TPRG1: variants seen among roughly 807,000 people sequenced by gnomAD.
TPRG1 encodes the protein tumor protein p63 regulated 1.
Under a neutral mutation model 29.3 loss-of-function variants are expected in TPRG1, and 29 were observed. The ratio of observed to expected loss-of-function variants is 0.99; its 90% CI spans 0.74 to 1.35. The LOEUF is 1.35. Ranked by LOEUF, TPRG1 falls within the 40% of genes most tolerant of loss-of-function variation. The probability of loss-of-function intolerance (pLI) is 0.00; values close to 1 mark genes in which losing one functional copy is unlikely to be tolerated. For synonymous variants in TPRG1, 130 were observed against 116.8 expected (o/e 1.11, Z -0.73); for missense variants, 327 against 335.0 (o/e 0.98, Z 0.19).
At chr3:189,165,440 G>GAGACGGAGTCT (rs1728047566) in intron 5 of TPRG1, among the ~76,000 whole-genome samples, 1 of 89,264 alleles carries the variant, frequency 1.1e-5, no homozygotes, top group Non-Finnish European at 2.7e-5. Flanking sequence ...AAACTTTTAT[G>GAGACGGAGTCT]TGCATAACAG....
At chr3:189,201,265 G>A (rs945912167) in intron 1 of TPRG1, among the ~76,000 whole-genome samples, 1 of 152,216 alleles carries the variant, frequency 6.6e-6, no homozygotes, top group Non-Finnish European at 1.5e-5. Context: ...TTCTTCCCAA[G>A]GGTTCACAGA....
chr3:189,275,419 A>G (rs1560636967), intron 4 of TPRG1, among the ~76,000 whole-genome samples: 1 of 152,196 alleles, frequency 6.6e-6, no homozygotes, highest in African/African-American at 2.4e-5. Flanking sequence ...CGAATTGACA[A>G]TAAAGAGAAT....
chr3:189,206,048 C>CT (rs1734288522), intron 1 of TPRG1, among the ~76,000 whole-genome samples: 5 of 149,188 alleles, frequency 3.4e-5, no homozygotes, highest in Non-Finnish European at 7.5e-5. Flanking sequence ...TCCTTCCTTT[C>CT]TTCTGTCTTT....
intron 1 of TPRG1, among the ~76,000 whole-genome samples, chr3:189,193,074 G>A (rs1215251796): frequency 6.7e-6 from 1 of 148,420 alleles, no homozygotes; most frequent in Non-Finnish European, 1.5e-5. Context: ...TCTCTTATAT[G>A]TGACTTGATG....
chr3:189,235,761 T>A (rs1578961746), intron 3 of TPRG1, among the ~76,000 whole-genome samples: 2 of 152,132 alleles, frequency 1.3e-5, no homozygotes, highest in Non-Finnish European at 2.9e-5. Flanking sequence ...TGCCTGGATA[T>A]GGTGTCTCAG....
intron 4 of TPRG1, among the ~76,000 whole-genome samples, chr3:189,058,064 C>T (rs1715854558): frequency 6.6e-6 from 1 of 151,900 alleles, no homozygotes; most frequent in Admixed American, 6.6e-5. Context: ...TCTTCCTCTG[C>T]ATAGTGAGTT....
intron 1 of TPRG1, among the ~76,000 whole-genome samples, chr3:189,199,876 T>C (rs1733170553): frequency 6.6e-6 from 1 of 151,806 alleles, no homozygotes; most frequent in African/African-American, 2.4e-5. Context: ...CGAGACTCCA[T>C]CTCAAAAAAA....
At chr3:189,280,728 C>T (rs1716988319) in intron 4 of TPRG1, among the ~76,000 whole-genome samples, 2 of 152,132 alleles carry the variant, frequency 1.3e-5, no homozygotes, top group Admixed American at 6.5e-5. Context: ...ATTTCTCTTA[C>T]CTGAGGCAAA....
chr3:189,233,737 C>T (rs1403011485), intron 3 of TPRG1, among the ~76,000 whole-genome samples: 1 of 152,126 alleles, frequency 6.6e-6, no homozygotes, highest in Non-Finnish European at 1.5e-5. Flanking sequence ...AAATAAAGCA[C>T]TGATTCTACA....
chr3:189,183,208 G>C (rs914368309), intron 1 of TPRG1, among the ~76,000 whole-genome samples: 3 of 152,086 alleles, frequency 2.0e-5, no homozygotes, highest in African/African-American at 7.2e-5. Flanking sequence ...ATGTCGGTAG[G>C]TTCCATGATG....
chr3:189,247,699 G>A (rs1741565698), intron 4 of TPRG1, among the ~76,000 whole-genome samples: 4 of 151,814 alleles, frequency 2.6e-5, no homozygotes, highest in African/African-American at 9.7e-5. Flanking sequence ...CAGTCTGCTG[G>A]GAATCTATGC....
intron 4 of TPRG1, among the ~76,000 whole-genome samples, chr3:189,304,581 C>T (rs1721338469): frequency 6.6e-6 from 1 of 152,114 alleles, no homozygotes; most frequent in South Asian, 2.1e-4. Flanking sequence ...AGCCTGGGGA[C>T]ATGGAGAGAA....
rs369815875 is a variant in TPRG1 at position 189,074,415 on chromosome 3, C to A, written c.-463+50469C>A. On this transcript the variant is annotated intron_variant, in intron 4 of 10. Transcript: ENST00000433971. The stretch of plus-strand genomic sequence containing the variant: ...AGAGATGGGGTTTCACCGTGTTAGC[C>A]AGGATGGTCTCGATCTCCTGACCTC... Among the ~76,000 whole-genome samples, 466 of 151,864 alleles carry A rather than the reference C, an allele frequency of 3.1e-3. 6 individuals carry two copies. The highest frequency in any genetic ancestry group is 0.011 in the African/African-American group (457 of 41,452).
intron 5 of TPRG1, among the ~76,000 whole-genome samples, chr3:189,151,500 T>A (rs1324037607): frequency 6.6e-6 from 1 of 152,060 alleles, no homozygotes; most frequent in Non-Finnish European, 1.5e-5. Flanking sequence ...ATTAAACTCC[T>A]TTGGTTGTAA....
chr3:189,248,348 C>T (rs1741659375), intron 4 of TPRG1, among the ~76,000 whole-genome samples: 1 of 151,746 alleles, frequency 6.6e-6, no homozygotes, highest in Non-Finnish European at 1.5e-5. Flanking sequence ...CAGATAATTA[C>T]TTTCTTCCTT....
chr3:189,148,255 A>G (rs552798931), intron 4 of TPRG1, among the ~76,000 whole-genome samples: 23 of 152,310 alleles, frequency 1.5e-4, no homozygotes, highest in African/African-American at 4.6e-4. Context: ...AGTTTACTCT[A>G]AACTTAGAAG....
chr3:189,281,482 T>C (rs1371908121), intron 4 of TPRG1, among the ~76,000 whole-genome samples: 1 of 152,214 alleles, frequency 6.6e-6, no homozygotes, highest in Non-Finnish European at 1.5e-5. Flanking sequence ...ATTTTTTGTT[T>C]AAAAATGTCA....
At chr3:189,211,393 G>A (rs1735236860) in intron 2 of TPRG1, among the ~76,000 whole-genome samples, 2 of 152,090 alleles carry the variant, frequency 1.3e-5, no homozygotes, top group African/African-American at 2.4e-5. Context: ...TCAATTATAT[G>A]AATTACAAAT....
At chr3:189,191,277 T>C (rs533224786) in intron 1 of TPRG1, among the ~76,000 whole-genome samples, 1 of 152,380 alleles carries the variant, frequency 6.6e-6, no homozygotes, top group African/African-American at 2.4e-5. Flanking sequence ...AATATGAAAG[T>C]ATTTTTTAAT....
Sources: allele counts gnomAD v4.1 joint callset (sites outside exome capture counted in the v4.1 genomes callset), GRCh38; gene constraint gnomAD v4.1.1; transcripts MANE v1.5; gene names NCBI Gene and HGNC (gene_info 2026-07-23, HGNC 2026-07-21).